Variants in PRELID2 observed in about 807,000 individuals in gnomAD.
PRELID2 encodes PRELI domain-containing protein 2.
PRELID2 carries 25 observed loss-of-function variants against 28.4 expected under a neutral mutation model. The ratio of observed to expected loss-of-function variants is 0.88; its 90% CI spans 0.64 to 1.23. The LOEUF is 1.23. PRELID2 is among the 50% of genes most tolerant of loss of function. The pLI, the probability that PRELID2 is intolerant of heterozygous loss-of-function variation, is 0.00. For synonymous variants in PRELID2, 76 were observed against 71.6 expected (o/e 1.06, Z -0.31); for missense variants, 201 against 214.4 (o/e 0.94, Z 0.39).
the PRELID2 span, among the ~76,000 whole-genome samples, chr5:145,357,435 T>C: frequency 6.6e-6 from 1 of 152,198 alleles, no homozygotes; most frequent in East Asian, 1.9e-4. Context: ...TTATTCATTC[T>C]TCTTTATTGT....
intron 1 of PRELID2, among the ~76,000 whole-genome samples, chr5:145,663,147 G>T (rs192957488): frequency 3.9e-5 from 6 of 152,168 alleles, no homozygotes; most frequent in African/African-American, 1.2e-4. Context: ...AGAAGCCATG[G>T]ATCATTTTCT....
chr5:145,544,584 G>T (rs1752770268), intron 1 of PRELID2, among the ~76,000 whole-genome samples: 1 of 152,070 alleles, frequency 6.6e-6, no homozygotes, highest in African/African-American at 2.4e-5. Context: ...GCTATTTACT[G>T]CCACCCTTTT....
the PRELID2 span, among the ~76,000 whole-genome samples, chr5:145,361,254 A>G: frequency 5.3e-5 from 8 of 152,230 alleles, no homozygotes; most frequent in South Asian, 2.1e-4. Flanking sequence ...ATTATAAATT[A>G]TAATCAGCCC....
chr5:145,423,028 G>T, the PRELID2 span, among the ~76,000 whole-genome samples: 8 of 146,410 alleles, frequency 5.5e-5, no homozygotes, highest in Non-Finnish European at 1.1e-4. Flanking sequence ...ATTCTGGATT[G>T]AAAATTCTTT....
At chr5:145,792,178 T>A (rs1752439384) in intron 5 of PRELID2, among the ~76,000 whole-genome samples, 1 of 152,148 alleles carries the variant, frequency 6.6e-6, no homozygotes, top group African/African-American at 2.4e-5. Context: ...GATGCAGCAC[T>A]GTGATGCAGA....
chr5:145,479,025 A>T (rs545774687), intron 1 of PRELID2, among the ~76,000 whole-genome samples: 1 of 152,222 alleles, frequency 6.6e-6, no homozygotes, highest in African/African-American at 2.4e-5. Flanking sequence ...AGACTTGACC[A>T]GAACCTGAAC....
At chr5:145,288,094 T>C in the PRELID2 span, among the ~76,000 whole-genome samples, 1 of 152,140 alleles carries the variant, frequency 6.6e-6, no homozygotes, top group African/African-American at 2.4e-5. Context: ...AATGTTAACC[T>C]TGATCTTCTG....
chr5:145,237,233 CT>C, the PRELID2 span, among the ~76,000 whole-genome samples: 1 of 152,164 alleles, frequency 6.6e-6, no homozygotes, highest in African/African-American at 2.4e-5. Flanking sequence ...CAGAAATACA[CT>C]GTTATTCTAA....
chr5:145,265,864 G>T, the PRELID2 span, among the ~76,000 whole-genome samples: 1 of 152,146 alleles, frequency 6.6e-6, no homozygotes, highest in Admixed American at 6.5e-5. Flanking sequence ...AATTCTAGAA[G>T]ATAACATTGC....
In PRELID2 at chr5:145,708,499, T is replaced by C. The variant is rs1016861432; in HGVS notation, n.70+56432A>G. On this transcript the variant is annotated intron_variant and non_coding_transcript_variant, in intron 1 of 2. Coordinates refer to the PRELID2 transcript ENST00000510259. ...ATTGTCATCCAATTGTATTGTTTTTTTCTTGTATGTATGTTTTCTGATTTA... is the reference window on the plus strand; with the variant it reads ...ATTGTCATCCAATTGTATTGTTTTTCTCTTGTATGTATGTTTTCTGATTTA... Among the ~76,000 whole-genome samples, 5 of 152,346 alleles carry C rather than the reference T, an allele frequency of 3.3e-5. No homozygotes were observed. The East Asian group carries it at 7.7e-4, about 23-fold the overall frequency.
intron 1 of PRELID2, among the ~76,000 whole-genome samples, chr5:145,604,747 GGTTT>G (rs1306433557): frequency 6.2e-5 from 6 of 96,026 alleles, no homozygotes; most frequent in Non-Finnish European, 1.2e-4. Context: ...TGTTTTTTTT[GGTTT>G]TTTTTTTTTT....
At chr5:145,250,941 T>C in the PRELID2 span, among the ~76,000 whole-genome samples, 1 of 152,194 alleles carries the variant, frequency 6.6e-6, no homozygotes, top group East Asian at 1.9e-4. Context: ...TCATTTTACA[T>C]CCAGTTTCTA....
chr5:145,303,360 T>C, the PRELID2 span, among the ~76,000 whole-genome samples: 1 of 152,222 alleles, frequency 6.6e-6, no homozygotes, highest in Non-Finnish European at 1.5e-5. Context: ...ATGTGGACAC[T>C]AAACCTGTGT....
the PRELID2 span, among the ~76,000 whole-genome samples, chr5:145,434,735 A>C: frequency 1.3e-5 from 2 of 152,198 alleles, no homozygotes. Flanking sequence ...AAGATGCAGA[A>C]GTGGGGGGCA....
chr5:145,685,092 G>A (rs1369691185), intron 1 of PRELID2, among the ~76,000 whole-genome samples: 1 of 152,120 alleles, frequency 6.6e-6, no homozygotes, highest in Non-Finnish European at 1.5e-5. Context: ...CATCCTGACT[G>A]CCACTATCCC....
At chr5:145,413,295 C>T in the PRELID2 span, among the ~76,000 whole-genome samples, 1 of 151,972 alleles carries the variant, frequency 6.6e-6, no homozygotes, top group African/African-American at 2.4e-5. Flanking sequence ...TGCCACCTTA[C>T]TCTTGCAAGA....
At chr5:145,697,141 C>T (rs1755297924) in intron 1 of PRELID2, among the ~76,000 whole-genome samples, 1 of 144,914 alleles carries the variant, frequency 6.9e-6, no homozygotes, top group Admixed American at 6.9e-5. Context: ...CACACATAGG[C>T]ACACATACAA....
At chr5:145,465,883 C>T in the PRELID2 span, among the ~76,000 whole-genome samples, 2 of 152,124 alleles carry the variant, frequency 1.3e-5, no homozygotes, top group Admixed American at 1.3e-4. Flanking sequence ...AGGTTTCAAA[C>T]TTTTCCTTTT....
the PRELID2 span, among the ~76,000 whole-genome samples, chr5:145,299,894 G>A: frequency 6.6e-6 from 1 of 152,004 alleles, no homozygotes. Context: ...ATTTGTATGG[G>A]AAAGACAGGA....
Sources: gnomAD v4.1 joint callset for allele counts (sites outside exome capture counted in the v4.1 genomes callset) on GRCh38, gnomAD v4.1.1 for gene constraint, MANE v1.5 for transcripts, NCBI Gene and HGNC (gene_info 2026-07-23, HGNC 2026-07-21) for gene names.